Variants in ZNF608 observed in about 807,000 individuals in gnomAD.
ZNF608 encodes renal carcinoma antigen NY-REN-36.
A neutral mutation model predicts 109.0 loss-of-function variants in ZNF608; 12 were observed. That is an observed-to-expected ratio of 0.11 (90% confidence interval 0.07 to 0.18). The LOEUF is 0.18. ZNF608 is among the 10% of genes least tolerant of loss of function. The pLI is 1.00. For missense variants in ZNF608, 1,707 were observed against 1,879.3 expected, an observed-to-expected ratio of 0.91 and a Z score of 1.70; for synonymous variants, 732 against 717.4, an observed-to-expected ratio of 1.02 and a Z score of -0.33.
intron 9 of ZNF608, chr5:124,638,862 A>G (rs1750103678): frequency 2.8e-6 from 3 of 1,089,688 alleles, no homozygotes; most frequent in Non-Finnish European, 3.6e-6. Context: ...ATGGTGAATT[A>G]TTTTAGAAAT....
intron 3 of ZNF608, among the ~76,000 whole-genome samples, chr5:124,698,570 T>C (rs4612064): frequency 0.92 from 140,068 of 152,336 alleles, 64,610 homozygotes; most frequent in East Asian, 1. Context: ...ACAAAGATAT[T>C]CACAGAAATG....
At chr5:124,652,613 T>G (rs980035431) in intron 3 of ZNF608, among the ~76,000 whole-genome samples, 1 of 152,250 alleles carries the variant, frequency 6.6e-6, no homozygotes, top group Non-Finnish European at 1.5e-5. Flanking sequence ...GTTTCTCATA[T>G]AAACTACACA....
rs70991633 is a variant in ZNF608, at chr5:124,636,920, T to TA, written c.*979dup. 0.39 allele frequency: 56,308 copies of TA among 145,950 alleles called. 11,203 individuals are homozygous for TA. The highest frequency in any genetic ancestry group is 0.64 in the East Asian group (3,245 of 5,062). 9.0% of individuals were successfully genotyped at this position (145,950 alleles called of 1,614,324 possible). On this transcript the variant is annotated 3_prime_UTR_variant, in exon 10 of 10. Coordinates refer to ENST00000513986, the MANE Select transcript of ZNF608 (RefSeq NM_020747.3). ...ATGAGACAGACAAGAAGCCATTATT[T>TA]AAAAAAAAAAAAACTTTTTAATTCT...
chr5:124,702,906 C>A lies in ZNF608; in HGVS notation c.907-1637G>T, dbSNP rs140439555. On this transcript the variant is annotated intron_variant, in intron 2 of 9. Coordinates refer to ENST00000513986, the MANE Select transcript of ZNF608 (RefSeq NM_020747.3). ...GTAGCTTAATGTGGATCAAAGTTCACACTGATAGTTCTTATTTTAAAACTG... is the reference window on the plus strand; with the variant it reads ...GTAGCTTAATGTGGATCAAAGTTCAAACTGATAGTTCTTATTTTAAAACTG... 1.9e-3 allele frequency among the ~76,000 whole-genome samples: 284 copies of A among 152,250 alleles called. 1 individual carries two copies. The highest frequency in any genetic ancestry group is 3.2e-3 in the Non-Finnish European group (216 of 68,020).
At chr5:124,638,804 G>A (rs773015842) in intron 9 of ZNF608, 4 of 1,086,300 alleles carry the variant, frequency 3.7e-6, no homozygotes, top group Non-Finnish European at 4.6e-6. Flanking sequence ...GAAAATAAAT[G>A]TCTCCATTTG....
intron 3 of ZNF608, among the ~76,000 whole-genome samples, chr5:124,655,061 A>G (rs1252341566): frequency 6.6e-6 from 1 of 152,214 alleles, no homozygotes; most frequent in Non-Finnish European, 1.5e-5. Context: ...TTAAACACCT[A>G]GGAACTAACT....
intron 3 of ZNF608, among the ~76,000 whole-genome samples, chr5:124,660,006 C>G (rs185716875): frequency 7.3e-4 from 111 of 152,340 alleles, no homozygotes; most frequent in African/African-American, 2.4e-3. Context: ...CTCTGCTGGC[C>G]ACCAGCTGTG....
At chr5:124,659,943 G>A (rs1369902624) in intron 3 of ZNF608, among the ~76,000 whole-genome samples, 1 of 152,076 alleles carries the variant, frequency 6.6e-6, no homozygotes, top group African/African-American at 2.4e-5. Context: ...GCCAGCTCTG[G>A]GCCCTTTTCA....
intron 2 of ZNF608, among the ~76,000 whole-genome samples, chr5:124,724,683 C>CT (rs796650514): frequency 2.0e-5 from 3 of 152,166 alleles, no homozygotes; most frequent in East Asian, 1.9e-4. Context: ...AAGTAATACT[C>CT]TTTCAATTAA....
Position 124,746,619 on chromosome 5 carries a change from C to T in ZNF608, c.-608G>A. The T allele has an allele frequency of 1.0e-6, 1 of 985,356 alleles. No individual in the cohort carries two copies. Among genetic ancestry groups the T allele is most frequent in the Non-Finnish European group, 1.2e-6 (1 of 829,940 alleles). 61.0% of individuals were successfully genotyped at this position (985,356 alleles called of 1,614,324 possible). A position where few individuals can be genotyped will look rare whatever the true frequency, so the allele number is the denominator to read the frequency against. ...TCAGTAATGATCCCATGTAGCAAAC[C>T]TACAGGCGTCCGCTAGTAACGAGAC... On this transcript the variant is annotated 5_prime_UTR_variant, in exon 1 of 10. Transcript: ENST00000513986.
chr5:124,681,436 G>A (rs544646303), intron 3 of ZNF608, among the ~76,000 whole-genome samples: 127 of 152,194 alleles, frequency 8.3e-4, no homozygotes, highest in Non-Finnish European at 1.5e-3. Context: ...CAGCCTGGGT[G>A]ACAGAGCGAG....
At chr5:124,748,458 A>T, upstream of ZNF608, 1 of 851,750 alleles carries the variant, frequency 1.2e-6, no homozygotes, top group Non-Finnish European at 1.4e-6. Flanking sequence ...ATTTCTATGC[A>T]TAAAACTCGC....
At chr5:124,667,557 A>G (rs1751529892) in intron 3 of ZNF608, among the ~76,000 whole-genome samples, 1 of 152,176 alleles carries the variant, frequency 6.6e-6, no homozygotes, top group African/African-American at 2.4e-5. Context: ...TGAAATTCCA[A>G]ATTATAGACA....
chr5:124,647,310 G>A lies in ZNF608; in HGVS notation c.3074C>T (p.Thr1025Met), dbSNP rs200298566. Residue 1025 changes from threonine to methionine, a missense_variant, in exon 5 of 10, where the codon ACG becomes ATG. Thr to Met is a moderately conservative substitution (Grantham distance 81). This residue lies in a region of ZNF608 where 1,073 missense variants were observed against 1,133.5 expected (regional missense o/e 0.95). Transcript: ENST00000513986. ...GAPAAGNSGS[T>M]QGMKIKKESE... ...CTCCTTCTTGATCTTCATTCCCTGC[G>A]TGCTCCCACTATTTCCAGCTGCAGG... The A allele has an allele frequency of 3.0e-5, 49 of 1,613,924 alleles. No homozygotes were observed. The highest frequency in any genetic ancestry group is 1.6e-4 in the Middle Eastern group (1 of 6,084).
At chr5:124,689,943 A>G (rs1752547886) in intron 3 of ZNF608, among the ~76,000 whole-genome samples, 1 of 152,248 alleles carries the variant, frequency 6.6e-6, no homozygotes, top group African/African-American at 2.4e-5. Context: ...TAGCAGCTTT[A>G]TTAATAATTG....
At chr5:124,670,865 T>C (rs925525696) in intron 3 of ZNF608, among the ~76,000 whole-genome samples, 1 of 152,194 alleles carries the variant, frequency 6.6e-6, no homozygotes, top group Non-Finnish European at 1.5e-5. Context: ...CTGCTTTCAG[T>C]GAATCAATTT....
chr5:124,733,267 A>G (rs1359330222), intron 2 of ZNF608, among the ~76,000 whole-genome samples: 3 of 137,994 alleles, frequency 2.2e-5, no homozygotes, highest in Non-Finnish European at 4.6e-5. Context: ...CAACCCAAAG[A>G]CTTCTAGGTT....
At chr5:124,695,433 C>T (rs1456826406) in intron 3 of ZNF608, among the ~76,000 whole-genome samples, 1 of 152,150 alleles carries the variant, frequency 6.6e-6, no homozygotes, top group Admixed American at 6.5e-5. Context: ...AACAATACCA[C>T]AGATTCATTT....
At chr5:124,738,289 T>A (rs1008537508) in intron 2 of ZNF608, among the ~76,000 whole-genome samples, 2 of 152,222 alleles carry the variant, frequency 1.3e-5, no homozygotes, top group African/African-American at 4.8e-5. Context: ...AGGGTTATTT[T>A]CCCTAAGATG....
Sources: gnomAD v4.1 joint callset for allele counts (sites outside exome capture counted in the v4.1 genomes callset) on GRCh38, gnomAD v4.1.1 for gene constraint, gnomAD v4.1.1 regional missense constraint, MANE v1.5 for transcripts, NCBI Gene and HGNC (gene_info 2026-07-23, HGNC 2026-07-21) for gene names.